ARNT2: variants seen among roughly 807,000 people sequenced by gnomAD.
ARNT2 encodes the protein aryl hydrocarbon receptor nuclear translocator 2.
In ARNT2, 36 loss-of-function variants were observed where a neutral mutation model predicts 91.7. The ratio of observed to expected loss-of-function variants is 0.39; its 90% CI spans 0.30 to 0.52. ARNT2 has a LOEUF of 0.52. ARNT2 is among the 20% of genes least tolerant of loss of function. ARNT2 has a pLI of 0.72. For synonymous variants in ARNT2, 365 were observed against 347.1 expected, an observed-to-expected ratio of 1.05 and a Z score of -0.57; for missense variants, 775 against 939.3, an observed-to-expected ratio of 0.83 and a Z score of 2.29.
chr15:80,563,047 T>C (rs1034256024), intron 11 of ARNT2, 41 bp from the exon 12 acceptor site: 2 of 1,612,574 alleles, frequency 1.2e-6, no homozygotes, highest in African/African-American at 2.7e-5. Context: ...TTTGGCACCA[T>C]CCTTCCTCCT....
chr15:80,509,519 G>A (rs1204380279), intron 6 of ARNT2, among the ~76,000 whole-genome samples: 1 of 152,160 alleles, frequency 6.6e-6, no homozygotes, highest in Non-Finnish European at 1.5e-5. Context: ...ATTCATTTTA[G>A]TAGGGGTGAT....
chr15:80,597,116 A>T lies in ARNT2; in HGVS notation c.*3418A>T, dbSNP rs1343978306. 2 of 518,412 alleles carry T rather than the reference A, an allele frequency of 3.9e-6. No homozygotes were observed. The highest frequency in any genetic ancestry group is 3.9e-5 in the African/African-American group (2 of 51,868). 32.1% of individuals were successfully genotyped at this position (518,412 alleles called of 1,614,324 possible). On this transcript the variant is annotated 3_prime_UTR_variant, in exon 19 of 19. Coordinates refer to ENST00000303329, the MANE Select transcript of ARNT2 (RefSeq NM_014862.4). ...TTTACTCTTCCGTGTCAACAATGTG[A>T]CTACATGTTCTCCAGATTAGCCACA...
intron 6 of ARNT2, among the ~76,000 whole-genome samples, chr15:80,511,694 A>C (rs938567686): frequency 6.6e-6 from 1 of 152,010 alleles, no homozygotes; most frequent in Non-Finnish European, 1.5e-5. Context: ...ATCTCGTGGG[A>C]GGTGGGTATA....
At chr15:80,446,243 C>T (rs1185165632) in intron 1 of ARNT2, among the ~76,000 whole-genome samples, 1 of 151,960 alleles carries the variant, frequency 6.6e-6, no homozygotes, top group Non-Finnish European at 1.5e-5. Flanking sequence ...CTGTGCTAGG[C>T]GAAAGTAACA....
intron 5 of ARNT2, among the ~76,000 whole-genome samples, chr15:80,507,898 G>A (rs963454436): frequency 4.6e-5 from 7 of 152,238 alleles, no homozygotes; most frequent in Non-Finnish European, 2.9e-5. Context: ...TGGAGTGACT[G>A]CAGGCGACGG....
intron 2 of ARNT2, among the ~76,000 whole-genome samples, chr15:80,451,324 G>C (rs113160971): frequency 2.0e-5 from 3 of 152,242 alleles, no homozygotes; most frequent in Admixed American, 2.0e-4. Context: ...GCACTGCTGC[G>C]CTGAGCTCCA....
At chr15:80,516,828 A>ATAT (rs1897440952) in intron 8 of ARNT2, among the ~76,000 whole-genome samples, 1 of 74,800 alleles carries the variant, frequency 1.3e-5, no homozygotes, top group African/African-American at 4.7e-5. Flanking sequence ...TACAATTACA[A>ATAT]ATATATATAT....
At chr15:80,576,155 G>A (rs1898670276) in intron 14 of ARNT2, among the ~76,000 whole-genome samples, 2 of 152,202 alleles carry the variant, frequency 1.3e-5, no homozygotes, top group Non-Finnish European at 2.9e-5. Flanking sequence ...CCAGAGAGCT[G>A]AGATAAGAGT....
rs139768447 is a variant in ARNT2, at chr15:80,524,792, A to G, written c.877+10387A>G. Reference sequence around the variant, plus strand: ...CGGGAGGCTGAGGCAGGAGAATGGCATGAACCTGGGAGGCAGAGCTTGCAG... The same window carrying G: ...CGGGAGGCTGAGGCAGGAGAATGGCGTGAACCTGGGAGGCAGAGCTTGCAG... On this transcript the variant is annotated intron_variant, in intron 8 of 18. Transcript: ENST00000303329. Among the ~76,000 whole-genome samples, 1,267 of 151,630 alleles carry G rather than the reference A, an allele frequency of 8.4e-3. 49 individuals are homozygous for G. Among genetic ancestry groups the G allele is most frequent in the Admixed American group, 0.061 (933 of 15,222 alleles).
intron 8 of ARNT2, among the ~76,000 whole-genome samples, chr15:80,529,405 G>A (rs1040061958): frequency 2.6e-5 from 4 of 152,216 alleles, no homozygotes; most frequent in African/African-American, 9.6e-5. Context: ...AGGGTCACCA[G>A]CAGAAACCCT....
At chr15:80,445,672 G>C (rs79285910) in intron 1 of ARNT2, among the ~76,000 whole-genome samples, 6,248 of 152,016 alleles carry the variant, frequency 0.041, 164 homozygotes, top group South Asian at 0.092. Context: ...AGGGAGACCC[G>C]AGTGGGGTCT....
chr15:80,552,808 C>A, intron 10 of ARNT2, 34 bp downstream of exon 10: 1 of 1,602,684 alleles, frequency 6.2e-7, no homozygotes, highest in Non-Finnish European at 8.5e-7. Flanking sequence ...TGGCAATTGA[C>A]TAGAGATTTA....
intron 8 of ARNT2, among the ~76,000 whole-genome samples, chr15:80,530,417 G>A (rs978825798): frequency 2.0e-5 from 3 of 152,162 alleles, no homozygotes; most frequent in African/African-American, 4.8e-5. Context: ...ACAACATGCC[G>A]TGTTCTGTGC....
At chr15:80,580,353 C>G (rs8037960) in intron 15 of ARNT2, 58 bp from the exon 16 acceptor site, 1 of 1,603,174 alleles carries the variant, frequency 6.2e-7, no homozygotes, top group South Asian at 1.1e-5. Context: ...TGGCTGGGCA[C>G]GTAGACTCAT....
intron 5 of ARNT2, among the ~76,000 whole-genome samples, chr15:80,481,908 A>AT (rs1233244363): frequency 3.3e-5 from 5 of 151,206 alleles, no homozygotes; most frequent in Non-Finnish European, 7.4e-5. Context: ...TCATTTTTAA[A>AT]TTTTTTTTGT....
rs1424650410 is a variant in ARNT2 at position 80,484,774 on chromosome 15, G to A, written c.622+9551G>A. Among the ~76,000 whole-genome samples the A allele has an allele frequency of 4.6e-5, 7 of 152,322 alleles. No individual in the cohort carries two copies. The East Asian group carries it at 1.4e-3, about 29-fold the overall frequency. ...AGGCTGGCCTCCCTGCACACAGTGA[G>A]CTCCACCAGCCGTGTGTGCTGAGGA... On this transcript the variant is annotated intron_variant, in intron 5 of 18. Coordinates refer to ENST00000303329, the MANE Select transcript of ARNT2 (RefSeq NM_014862.4).
chr15:80,411,295 T>C (rs1189412691), intron 1 of ARNT2, among the ~76,000 whole-genome samples: 1 of 152,188 alleles, frequency 6.6e-6, no homozygotes, highest in Non-Finnish European at 1.5e-5. Flanking sequence ...AGGGAATGTA[T>C]CCAACAGTAT....
chr15:80,584,638 C>T (rs940865122), intron 17 of ARNT2, among the ~76,000 whole-genome samples: 3 of 152,178 alleles, frequency 2.0e-5, no homozygotes, highest in African/African-American at 4.8e-5. Context: ...AAAAACAGGC[C>T]GTGTTTACAT....
At chr15:80,578,390 G>A (rs1024387338) in intron 15 of ARNT2, among the ~76,000 whole-genome samples, 1 of 151,948 alleles carries the variant, frequency 6.6e-6, no homozygotes, top group Admixed American at 6.5e-5. Flanking sequence ...CCTCACTAAT[G>A]GGAGAAACAG....
Sources: gnomAD v4.1 joint callset for allele counts (sites outside exome capture counted in the v4.1 genomes callset) on GRCh38, gnomAD v4.1.1 for gene constraint, MANE v1.5 for transcripts, NCBI Gene and HGNC (gene_info 2026-07-23, HGNC 2026-07-21) for gene names.